The following FHIT variants were observed in gnomAD, a reference collection of about 807,000 sequenced individuals.
FHIT encodes the protein bis(5'-adenosyl)-triphosphatase.
In FHIT, 19 loss-of-function variants were observed where a neutral mutation model predicts 17.9. The ratio of observed to expected loss-of-function variants is 1.06; its 90% CI spans 0.74 to 1.56. The LOEUF is 1.56. Among genes scored for constraint, FHIT ranks in the 40% most tolerant of loss-of-function variants. The pLI is 0.00. For missense variants in FHIT, 248 were observed against 189.2 expected (o/e 1.31, Z -1.82); for synonymous variants, 81 against 69.7 (o/e 1.16, Z -0.81).
At chr3:61,046,012 C>T (rs566913093) in intron 2 of FHIT, among the ~76,000 whole-genome samples, 101 of 152,058 alleles carry the variant, frequency 6.6e-4, no homozygotes, top group Non-Finnish European at 1.2e-3. Context: ...AAATTTATAG[C>T]ACTAAATGCC....
intron 3 of FHIT, among the ~76,000 whole-genome samples, chr3:60,946,761 A>G (rs1256909207): frequency 2.0e-5 from 3 of 152,088 alleles, no homozygotes; most frequent in African/African-American, 7.2e-5. Context: ...AGACACTGAG[A>G]AAAAAACAGA....
At chr3:60,118,209 C>T (rs186237803) in intron 5 of FHIT, among the ~76,000 whole-genome samples, 32 of 152,066 alleles carry the variant, frequency 2.1e-4, no homozygotes, top group South Asian at 2.1e-4. Flanking sequence ...TGGGTTCAAG[C>T]GATCCTCCTG....
In FHIT at chr3:60,557,383, G is replaced by A. The variant is rs143296240; in HGVS notation, c.-17-20404C>T. 3.2e-4 allele frequency among the ~76,000 whole-genome samples: 49 copies of A among 152,078 alleles called. 1 individual carries two copies. The highest frequency in any genetic ancestry group is 8.9e-4 in the African/African-American group (37 of 41,468). ...AATGTCTACATCCTGGTGGGTGAGC[G>A]GAGGAGGTGACAGGAAGAACAAAAA... On this transcript the variant is annotated intron_variant, in intron 4 of 9. Coordinates refer to ENST00000492590, the MANE Select transcript of FHIT (RefSeq NM_002012.4).
intron 4 of FHIT, among the ~76,000 whole-genome samples, chr3:60,643,690 C>T (rs2107795150): frequency 6.6e-6 from 1 of 152,254 alleles, no homozygotes; most frequent in South Asian, 2.1e-4. Flanking sequence ...GAATGATCAC[C>T]TTAGGGTTGC....
intron 5 of FHIT, among the ~76,000 whole-genome samples, chr3:60,162,911 T>C (rs1299318869): frequency 6.6e-6 from 1 of 152,178 alleles, no homozygotes; most frequent in African/African-American, 2.4e-5. Context: ...ATCTTTCCTA[T>C]GAGAATTGGT....
At chr3:60,746,605 G>A (rs2042362003) in intron 4 of FHIT, among the ~76,000 whole-genome samples, 1 of 152,176 alleles carries the variant, frequency 6.6e-6, no homozygotes, top group South Asian at 2.1e-4. Context: ...GAGTAAGAAG[G>A]GAGGGATGGA....
intron 8 of FHIT, among the ~76,000 whole-genome samples, chr3:59,919,164 A>T (rs1705284118): frequency 6.6e-6 from 1 of 152,210 alleles, no homozygotes; most frequent in Non-Finnish European, 1.5e-5. Context: ...TCAAATGTGT[A>T]AAGAGAGGCA....
At chr3:60,023,891 T>C (rs991449394) in intron 5 of FHIT, among the ~76,000 whole-genome samples, 1 of 152,118 alleles carries the variant, frequency 6.6e-6, no homozygotes, top group African/African-American at 2.4e-5. Flanking sequence ...GAATAATTTC[T>C]TCAAAATGCT....
At chr3:60,340,902 G>A (rs1710483461) in intron 5 of FHIT, among the ~76,000 whole-genome samples, 1 of 152,130 alleles carries the variant, frequency 6.6e-6, no homozygotes, top group Non-Finnish European at 1.5e-5. Context: ...ATGTAGGCCA[G>A]GCTGGTCTCT....
At chr3:60,764,931 G>A (rs1699797016) in intron 4 of FHIT, among the ~76,000 whole-genome samples, 1 of 152,092 alleles carries the variant, frequency 6.6e-6, no homozygotes, top group Non-Finnish European at 1.5e-5. Flanking sequence ...AGGATTTTCA[G>A]ATAGAAACAT....
intron 3 of FHIT, among the ~76,000 whole-genome samples, chr3:60,986,691 C>T (rs891875557): frequency 6.6e-6 from 1 of 152,114 alleles, no homozygotes; most frequent in Non-Finnish European, 1.5e-5. Context: ...TGAGTTCTAC[C>T]TCATGGGCTC....
At chr3:59,974,804 G>A (rs1239046298) in intron 7 of FHIT, among the ~76,000 whole-genome samples, 1 of 152,012 alleles carries the variant, frequency 6.6e-6, no homozygotes, top group African/African-American at 2.4e-5. Context: ...AAGGTTGTCG[G>A]GGGAGATATG....
intron 7 of FHIT, among the ~76,000 whole-genome samples, chr3:59,969,496 C>T (rs1708080791): frequency 6.6e-6 from 1 of 152,116 alleles, no homozygotes; most frequent in Non-Finnish European, 1.5e-5. Context: ...CTGCAGTGTT[C>T]TGCTCTCTCT....
At chr3:60,577,344 C>A (rs2037603672) in intron 4 of FHIT, among the ~76,000 whole-genome samples, 1 of 152,096 alleles carries the variant, frequency 6.6e-6, no homozygotes. Context: ...AATTTAGCCC[C>A]TTACATTAGG....
chr3:60,803,953 G>C (rs1184377778), intron 4 of FHIT, among the ~76,000 whole-genome samples: 1 of 152,142 alleles, frequency 6.6e-6, no homozygotes, highest in African/African-American at 2.4e-5. Flanking sequence ...AGTGGCTCCC[G>C]TACTGAGGTC....
intron 3 of FHIT, among the ~76,000 whole-genome samples, chr3:61,000,683 A>G (rs2031014180): frequency 6.6e-6 from 1 of 152,236 alleles, no homozygotes; most frequent in Non-Finnish European, 1.5e-5. Flanking sequence ...TTGAGGGACA[A>G]CAACCTGGTG....
chr3:59,839,385 T>A (rs1435254715), intron 8 of FHIT, among the ~76,000 whole-genome samples: 1 of 151,898 alleles, frequency 6.6e-6, no homozygotes, highest in African/African-American at 2.4e-5. Flanking sequence ...CATACAGGCT[T>A]TCCATAATTA....
At chr3:60,621,558 C>A (rs1489044230) in intron 4 of FHIT, among the ~76,000 whole-genome samples, 1 of 151,454 alleles carries the variant, frequency 6.6e-6, no homozygotes, top group Non-Finnish European at 1.5e-5. Context: ...TTCCTTAAAG[C>A]AACTACTAGT....
At chr3:61,178,151 A>G (rs546177799) in intron 2 of FHIT, among the ~76,000 whole-genome samples, 1 of 152,268 alleles carries the variant, frequency 6.6e-6, no homozygotes, top group African/African-American at 2.4e-5. Context: ...TATAAAATGG[A>G]ATGATAATAA....
Sources: gnomAD v4.1 joint callset for allele counts (sites outside exome capture counted in the v4.1 genomes callset) on GRCh38, gnomAD v4.1.1 for gene constraint, MANE v1.5 for transcripts, NCBI Gene and HGNC (gene_info 2026-07-23, HGNC 2026-07-21) for gene names.